The following DIP2C variants were observed in gnomAD, a reference collection of about 807,000 sequenced individuals.
The protein encoded by DIP2C is DIP2 acetate--CoA ligase C (putative).
Under a neutral mutation model 192.4 loss-of-function variants are expected in DIP2C, and 33 were observed. That is an observed-to-expected ratio of 0.17 (90% CI 0.13 to 0.23). The LOEUF (loss-of-function observed/expected upper bound fraction) is 0.23, where lower values mean the gene tolerates loss of function less well. Ranked by LOEUF, DIP2C falls within the 10% of genes least tolerant of loss-of-function variation. The pLI, the probability that DIP2C is intolerant of heterozygous loss-of-function variation, is 1.00. For missense variants in DIP2C, 1,537 were observed against 2,110.1 expected (o/e 0.73, Z 5.32); for synonymous variants, 979 against 864.1 (o/e 1.13, Z -2.33).
At chr10:302,827 CAG>C (rs1191799053) in intron 32 of DIP2C, among the ~76,000 whole-genome samples, 1 of 152,192 alleles carries the variant, frequency 6.6e-6, no homozygotes, top group Non-Finnish European at 1.5e-5. Flanking sequence ...TACCCATAAA[CAG>C]AGCTTGTAGG....
chr10:417,886 A>T lies in DIP2C; in HGVS notation c.739+1179T>A, dbSNP rs67108110. On this transcript the variant is annotated intron_variant, in intron 6 of 36. Transcript: ENST00000280886. Reference sequence around the variant, plus strand: ...CGGACAGGCCTCCCTGTCCACCTGCACCTGTCAGGGCTCGGATAGGCCTCC... The same window carrying T: ...CGGACAGGCCTCCCTGTCCACCTGCTCCTGTCAGGGCTCGGATAGGCCTCC... 1.1e-3 allele frequency among the ~76,000 whole-genome samples: 48 copies of T among 43,580 alleles called. 6 individuals are homozygous for T. The highest frequency in any genetic ancestry group is 2.8e-3 in the African/African-American group (27 of 9,802). The allele number at this position is 43,580 out of a possible 152,430, so 28.6% of individuals were successfully genotyped here.
rs767188253 is a variant in DIP2C at position 404,156 on chromosome 10, C to T, written c.1149+4770G>A. Among the ~76,000 whole-genome samples, 6 of 151,966 alleles carry T rather than the reference C, an allele frequency of 3.9e-5. 1 individual carries two copies. Among genetic ancestry groups the T allele is most frequent in the African/African-American group, 7.2e-5 (3 of 41,384 alleles). ...CAAGTTTGGTATGTGTTCATCAGCA[C>T]GTGAATCCTATGATTTAGCACATGT... On this transcript the variant is annotated intron_variant, in intron 9 of 36. Transcript: ENST00000280886.
intron 1 of DIP2C, among the ~76,000 whole-genome samples, chr10:623,088 G>A (rs1334934241): frequency 6.6e-6 from 1 of 152,224 alleles, no homozygotes; most frequent in Non-Finnish European, 1.5e-5. Context: ...TGACAGGCGT[G>A]AGACATTGTC....
chr10:650,442 G>T, intron 1 of DIP2C: 1 of 710,236 alleles, frequency 1.4e-6, no homozygotes. Context: ...CTTCATCTAT[G>T]GTAGGTGACC....
intron 29 of DIP2C, among the ~76,000 whole-genome samples, chr10:333,342 T>C (rs1393292011): frequency 2.0e-5 from 3 of 152,244 alleles, no homozygotes; most frequent in Non-Finnish European, 2.9e-5. Context: ...TCCCATCACC[T>C]GAAAGGGATC....
At chr10:484,912 T>G (rs557095589) in intron 2 of DIP2C, 2 of 1,611,762 alleles carry the variant, frequency 1.2e-6, no homozygotes, top group Non-Finnish European at 1.7e-6. Context: ...TTCACTGTGC[T>G]GCAGTCTACA....
chr10:460,657 CCCAA>C (rs1969696072), intron 3 of DIP2C, among the ~76,000 whole-genome samples: 2 of 152,082 alleles, frequency 1.3e-5, no homozygotes, highest in East Asian at 1.9e-4. Flanking sequence ...GGAGAACTTC[CCCAA>C]CCAACCAAGA....
chr10:602,612 C>G (rs918487071), intron 1 of DIP2C, among the ~76,000 whole-genome samples: 6 of 152,210 alleles, frequency 3.9e-5, no homozygotes, highest in Admixed American at 2.6e-4. Flanking sequence ...CTGCAGGCAC[C>G]TTGACCTCGG....
chr10:284,129 C>A (rs1046979994), intron 34 of DIP2C, among the ~76,000 whole-genome samples: 6 of 152,172 alleles, frequency 3.9e-5, no homozygotes, highest in African/African-American at 1.4e-4. Context: ...GAGGCAGGGC[C>A]TTGTAGACTC....
chr10:316,302 A>T (rs1956770606), intron 31 of DIP2C, among the ~76,000 whole-genome samples: 1 of 152,244 alleles, frequency 6.6e-6, no homozygotes, highest in African/African-American at 2.4e-5. Context: ...CCCCCAGAAA[A>T]GAATTTACAA....
At chr10:551,763 A>G (rs1478564870) in intron 1 of DIP2C, among the ~76,000 whole-genome samples, 2 of 152,166 alleles carry the variant, frequency 1.3e-5, no homozygotes, top group Non-Finnish European at 2.9e-5. Flanking sequence ...CTCTCAATGG[A>G]GTTGTGACAG....
At chr10:414,761 T>C in intron 7 of DIP2C, among the ~76,000 whole-genome samples, 1 of 74,854 alleles carries the variant, frequency 1.3e-5, no homozygotes, top group African/African-American at 4.7e-5. Context: ...ATATATAATG[T>C]GTATATATAT....
At chr10:531,033 A>C (rs1338881453) in intron 1 of DIP2C, among the ~76,000 whole-genome samples, 1 of 151,876 alleles carries the variant, frequency 6.6e-6, no homozygotes, top group East Asian at 1.9e-4. Context: ...TTCCCGCCAA[A>C]AGCTGCAGAC....
chr10:642,336 T>C (rs2131947533), intron 1 of DIP2C, among the ~76,000 whole-genome samples: 1 of 151,820 alleles, frequency 6.6e-6, no homozygotes, highest in African/African-American at 2.4e-5. Context: ...GGGGCAGGTC[T>C]GGGGTGGGGC....
At chr10:541,515 AC>A in intron 1 of DIP2C, among the ~76,000 whole-genome samples, 1 of 54,634 alleles carries the variant, frequency 1.8e-5, no homozygotes. Flanking sequence ...GACCCTCCAC[AC>A]TGACCACACC....
chr10:304,665 A>G (rs985610072), intron 32 of DIP2C, among the ~76,000 whole-genome samples: 2 of 144,188 alleles, frequency 1.4e-5, no homozygotes, highest in African/African-American at 5.1e-5. Flanking sequence ...TGCACATGCA[A>G]CACACACACA....
intron 3 of DIP2C, among the ~76,000 whole-genome samples, chr10:469,854 G>T (rs559329717): frequency 6.6e-6 from 1 of 152,280 alleles, no homozygotes; most frequent in African/African-American, 2.4e-5. Context: ...ACTTCTTGCC[G>T]TTCCCCAAAT....
Position 508,068 on chromosome 10 carries a change from A to G in DIP2C, c.86-21538T>C, listed in dbSNP as rs138911396. ...TTCCCTCCCTTTCCAAGCACAGAGC[A>G]GCTCCTGATGACCCAGCACCTCTGC... On this transcript the variant is annotated intron_variant, in intron 1 of 36. Transcript: ENST00000280886. 3.4e-3 allele frequency among the ~76,000 whole-genome samples: 518 copies of G among 152,256 alleles called. 1 individual carries two copies. The highest frequency in any genetic ancestry group is 6.2e-3 in the Non-Finnish European group (420 of 68,012).
intron 2 of DIP2C, among the ~76,000 whole-genome samples, chr10:475,192 C>G (rs1025684446): frequency 6.6e-6 from 1 of 152,116 alleles, no homozygotes; most frequent in Admixed American, 6.5e-5. Flanking sequence ...AAGCGGCCGC[C>G]TGCTTCCTGG....
Sources: allele counts gnomAD v4.1 joint callset (sites outside exome capture counted in the v4.1 genomes callset), GRCh38; gene constraint gnomAD v4.1.1; transcripts MANE v1.5; gene names NCBI Gene and HGNC (gene_info 2026-07-23, HGNC 2026-07-21).